The following CFAP54 variants were observed in gnomAD, a reference collection of about 807,000 sequenced individuals.
CFAP54 encodes cilia- and flagella-associated protein 54.
Under a neutral mutation model 370.4 loss-of-function variants are expected in CFAP54, and 290 were observed. The observed-to-expected ratio is 0.78, with a 90% CI of 0.71 to 0.86. CFAP54 has a LOEUF of 0.86. Among genes scored for constraint, CFAP54 ranks in the 40% least tolerant of loss-of-function variants. The probability of loss-of-function intolerance (pLI) is 0.00; values close to 1 mark genes in which losing one functional copy is unlikely to be tolerated. For missense variants in CFAP54, 3,399 were observed against 3,528.7 expected (o/e 0.96, Z 0.93); for synonymous variants, 1,206 against 1,236.5 (o/e 0.98, Z 0.52).
At chr12:96,801,207 A>G (rs1342151661) in intron 63 of CFAP54, among the ~76,000 whole-genome samples, 3 of 152,214 alleles carry the variant, frequency 2.0e-5, no homozygotes, top group Non-Finnish European at 2.9e-5. Flanking sequence ...ACATTTTTCA[A>G]TAATTCAGAG....
In CFAP54 at chr12:96,743,530, T is replaced by C; in HGVS notation, c.7348T>C (p.Leu2450=). The C allele has an allele frequency of 6.2e-7, 1 of 1,614,058 alleles. No homozygotes were observed. The change falls in exon 53 of 68, where the codon TTA becomes CTA. Residue 2450 remains leucine (L), a synonymous_variant. Coordinates refer to ENST00000524981, the MANE Select transcript of CFAP54 (RefSeq NM_001306084.2). ...AVILGLQEKH[L]KADIMTNLQD... is the part of the protein sequence containing the mutation. ...AATTCTTGGCCTACAAGAAAAGCAT[T>C]TAAAGGCAGACATCATGACAAACCT...
intron 67 of CFAP54, among the ~76,000 whole-genome samples, chr12:96,866,711 A>C (rs1208468544): frequency 6.6e-6 from 1 of 152,216 alleles, no homozygotes; most frequent in African/African-American, 2.4e-5. Flanking sequence ...TTATCATTAT[A>C]AATGCAATTC....
chr12:96,630,032 C>G, intron 30 of CFAP54, 61 bp from the exon 31 acceptor site: 1 of 714,016 alleles, frequency 1.4e-6, no homozygotes. Context: ...AGACATATTA[C>G]TTTGGGGTAG....
At chr12:96,743,660 T>C (rs573020587) in intron 53 of CFAP54, 71 bp from the exon 54 acceptor site, 902 of 1,562,698 alleles carry the variant, frequency 5.8e-4, no homozygotes, top group Non-Finnish European at 7.6e-4. Context: ...TGCATAACAA[T>C]TAACATGTCC....
intron 39 of CFAP54, among the ~76,000 whole-genome samples, chr12:96,670,644 G>A (rs1957133954): frequency 6.6e-6 from 1 of 152,182 alleles, no homozygotes; most frequent in African/African-American, 2.4e-5. Flanking sequence ...AAAGAGATTG[G>A]GATGAGGCCT....
At chr12:96,552,107 A>G (rs1362642848) in intron 15 of CFAP54, among the ~76,000 whole-genome samples, 2 of 151,926 alleles carry the variant, frequency 1.3e-5, no homozygotes, top group Non-Finnish European at 2.9e-5. Flanking sequence ...TTAGCTGGGC[A>G]TGGTGGCGCA....
chr12:96,664,033 T>G, intron 39 of CFAP54, 101 bp downstream of exon 39: 1 of 906,686 alleles, frequency 1.1e-6, no homozygotes, highest in Non-Finnish European at 1.7e-6. Flanking sequence ...TTTGTAAAAA[T>G]GTATTTTGCA....
At chr12:96,644,501 A>C in intron 33 of CFAP54, 93 bp downstream of exon 33, 1 of 924,524 alleles carries the variant, frequency 1.1e-6, no homozygotes, top group Non-Finnish European at 1.6e-6. Context: ...TAACAACTTA[A>C]GGAGGTTTAC....
chr12:96,842,803 C>G (rs1162146694), intron 66 of CFAP54, among the ~76,000 whole-genome samples: 1 of 152,134 alleles, frequency 6.6e-6, no homozygotes, highest in Non-Finnish European at 1.5e-5. Flanking sequence ...CTTTGCTTCT[C>G]TACATCATCT....
chr12:96,498,369 T>A (rs1954982751), intron 1 of CFAP54, among the ~76,000 whole-genome samples: 3 of 152,178 alleles, frequency 2.0e-5, no homozygotes, highest in Admixed American at 2.0e-4. Flanking sequence ...ATTATGAAAC[T>A]CCTGGCCGGG....
chr12:96,500,502 G>A (rs1488250375), intron 1 of CFAP54, among the ~76,000 whole-genome samples: 1 of 152,176 alleles, frequency 6.6e-6, no homozygotes, highest in East Asian at 1.9e-4. Flanking sequence ...CATTCTAGTG[G>A]AGATGTTGAT....
chr12:96,788,435 A>G (rs1958650302), intron 62 of CFAP54, among the ~76,000 whole-genome samples: 1 of 152,248 alleles, frequency 6.6e-6, no homozygotes, highest in Non-Finnish European at 1.5e-5. Flanking sequence ...CTAGAAAAAA[A>G]TCACTGATTT....
chr12:96,744,254 A>AT, intron 55 of CFAP54, 108 bp downstream of exon 55: 2 of 937,102 alleles, frequency 2.1e-6, no homozygotes, highest in South Asian at 3.6e-5. Flanking sequence ...ATATTTATGA[A>AT]TACTCAGGCT....
chr12:96,559,779 A>G (rs1173360572), intron 17 of CFAP54, among the ~76,000 whole-genome samples: 3 of 152,164 alleles, frequency 2.0e-5, no homozygotes, highest in Non-Finnish European at 4.4e-5. Flanking sequence ...ACATTCTCTC[A>G]AATAACCATA....
chr12:96,566,877 G>A (rs1020956634), intron 19 of CFAP54, among the ~76,000 whole-genome samples: 2 of 152,094 alleles, frequency 1.3e-5, no homozygotes, highest in African/African-American at 4.8e-5. Context: ...AACAAATATT[G>A]ATTGATTTAC....
chr12:96,822,645 G>C (rs11108705), intron 65 of CFAP54, among the ~76,000 whole-genome samples: 2 of 152,144 alleles, frequency 1.3e-5, no homozygotes. Flanking sequence ...CCACCCAGTA[G>C]CTCTGTCGTA....
chr12:96,780,125 C>A (rs774321386), intron 60 of CFAP54, among the ~76,000 whole-genome samples: 30 of 152,024 alleles, frequency 2.0e-4, no homozygotes, highest in Non-Finnish European at 3.7e-4. Context: ...TATCTTTTCC[C>A]ATTCTTTGTT....
intron 20 of CFAP54, among the ~76,000 whole-genome samples, chr12:96,577,530 G>T (rs1287710702): frequency 6.6e-6 from 1 of 151,968 alleles, no homozygotes; most frequent in Non-Finnish European, 1.5e-5. Flanking sequence ...ATGTCAACTT[G>T]GTATAGTAGA....
At chr12:96,605,089 G>A (rs1197827515) in intron 26 of CFAP54, among the ~76,000 whole-genome samples, 1 of 152,184 alleles carries the variant, frequency 6.6e-6, no homozygotes, top group Admixed American at 6.5e-5. Context: ...GACTGGAGCT[G>A]TTCCGATTCA....
Sources: gnomAD v4.1 joint callset for allele counts (sites outside exome capture counted in the v4.1 genomes callset) on GRCh38, gnomAD v4.1.1 for gene constraint, MANE v1.5 for transcripts, NCBI Gene and HGNC (gene_info 2026-07-23, HGNC 2026-07-21) for gene names.